Variants in TASP1 observed in about 807,000 individuals in gnomAD.
The protein encoded by TASP1 is taspase 1.
TASP1 carries 16 observed loss-of-function variants against 56.6 expected under a neutral mutation model. The observed-to-expected ratio is 0.28, with a 90% CI of 0.19 to 0.43. The LOEUF (loss-of-function observed/expected upper bound fraction) is 0.43. TASP1 is among the 20% of genes least tolerant of loss of function. TASP1 has a pLI of 1.00. For synonymous variants in TASP1, 179 were observed against 184.2 expected, an observed-to-expected ratio of 0.97 and a Z score of 0.23; for missense variants, 393 against 511.6, an observed-to-expected ratio of 0.77 and a Z score of 2.24.
chr20:13,299,554 C>T, the TASP1 span: 5 of 1,141,750 alleles, frequency 4.4e-6, no homozygotes, highest in Non-Finnish European at 6.2e-6. This position sits in a 1 kb window ranked among gnomAD's most constrained non-coding sequence, Gnocchi z 5.8. Flanking sequence ...TTCATAGCTG[C>T]GGTCGTGTAT....
intron 8 of TASP1, among the ~76,000 whole-genome samples, chr20:13,536,310 C>T (rs2045414937): frequency 6.6e-6 from 1 of 152,188 alleles, no homozygotes. Context: ...CTGAAGCAAA[C>T]TATTTATAGG....
the TASP1 span, among the ~76,000 whole-genome samples, chr20:13,157,003 G>A: frequency 6.6e-6 from 1 of 152,156 alleles, no homozygotes; most frequent in Non-Finnish European, 1.5e-5. Context: ...TTCAACTTAA[G>A]ATTGTTTTTT....
the TASP1 span, among the ~76,000 whole-genome samples, chr20:13,370,520 CTG>C: frequency 6.6e-6 from 1 of 151,642 alleles, no homozygotes; most frequent in Non-Finnish European, 1.5e-5. Context: ...ACTAAGGAAA[CTG>C]AAAATTTTTT....
chr20:13,418,966 T>G (rs987919411), intron 12 of TASP1, among the ~76,000 whole-genome samples: 1 of 152,188 alleles, frequency 6.6e-6, no homozygotes, highest in Non-Finnish European at 1.5e-5. Context: ...GTTTAAAGAA[T>G]ACATGACAAC....
chr20:13,213,182 G>C, the TASP1 span, among the ~76,000 whole-genome samples: 1 of 137,392 alleles, frequency 7.3e-6, no homozygotes. Context: ...CTACTCTTTA[G>C]TTATTAAAAA....
At chr20:13,117,435 T>C in the TASP1 span, 4 of 1,399,230 alleles carry the variant, frequency 2.9e-6, no homozygotes, top group Non-Finnish European at 3.9e-6. Flanking sequence ...CTAGGATGTA[T>C]TGATGGGGAA....
At chr20:13,252,810 G>A in the TASP1 span, among the ~76,000 whole-genome samples, 3 of 151,796 alleles carry the variant, frequency 2.0e-5, no homozygotes, top group East Asian at 5.8e-4. Context: ...TTGGCCTTTG[G>A]GGCAACTGAA....
At chr20:13,317,874 T>C in the TASP1 span, among the ~76,000 whole-genome samples, 1 of 152,096 alleles carries the variant, frequency 6.6e-6, no homozygotes, top group South Asian at 2.1e-4. Context: ...CTAGATGACC[T>C]TGTGTTAGGC....
chr20:13,135,170 A>G, the TASP1 span, among the ~76,000 whole-genome samples: 4 of 152,248 alleles, frequency 2.6e-5, no homozygotes. Context: ...TAGCATTTAT[A>G]ATAATTATTT....
intron 10 of TASP1, among the ~76,000 whole-genome samples, chr20:13,516,113 T>G (rs2044521796): frequency 1.3e-5 from 2 of 152,284 alleles, no homozygotes; most frequent in South Asian, 4.1e-4. Flanking sequence ...CAAGTAAATT[T>G]CCTGAGCTGA....
intron 11 of TASP1, among the ~76,000 whole-genome samples, chr20:13,457,722 C>T (rs1320432100): frequency 1.3e-5 from 2 of 152,022 alleles, no homozygotes; most frequent in Non-Finnish European, 2.9e-5. Context: ...GGGAACTCTA[C>T]CTACAGAAGA....
intron 10 of TASP1, among the ~76,000 whole-genome samples, chr20:13,497,107 C>T (rs1270469208): frequency 6.6e-6 from 1 of 152,168 alleles, no homozygotes; most frequent in African/African-American, 2.4e-5. Flanking sequence ...TACAGGTCTT[C>T]ACTAATAGCT....
At chr20:13,143,557 T>C in the TASP1 span, among the ~76,000 whole-genome samples, 1 of 152,200 alleles carries the variant, frequency 6.6e-6, no homozygotes. Context: ...ATTGGCTTCA[T>C]ACTGTTTGAG....
chr20:13,104,988 C>T, the TASP1 span, among the ~76,000 whole-genome samples: 838 of 152,080 alleles, frequency 5.5e-3, 2 homozygotes, highest in Non-Finnish European at 9.7e-3. Context: ...GTGTAAGTGC[C>T]TTAATAAGCA....
At position 13,549,500 on chromosome 20, in the gene TASP1, T is replaced by A. The variant is rs145393465; in HGVS notation, c.675+9508A>T. On this transcript the variant is annotated intron_variant, in intron 8 of 13. Coordinates refer to ENST00000337743, the MANE Select transcript of TASP1 (RefSeq NM_017714.3). ...AATGCACTCATTTATTCTGCTGTCTTATTAGCTATACATGTGTCAGCATCA... is the reference window on the plus strand; with the variant it reads ...AATGCACTCATTTATTCTGCTGTCTAATTAGCTATACATGTGTCAGCATCA... Among the ~76,000 whole-genome samples, 173 of 152,170 alleles carry A rather than the reference T, an allele frequency of 1.1e-3. 2 individuals are homozygous for A. Among genetic ancestry groups the A allele is most frequent in the African/African-American group, 4.0e-3 (168 of 41,526 alleles).
At chr20:13,380,889 G>A in the TASP1 span, among the ~76,000 whole-genome samples, 2 of 152,126 alleles carry the variant, frequency 1.3e-5, no homozygotes, top group East Asian at 3.9e-4. Flanking sequence ...GGGGAAAACC[G>A]CCTACTCAAG....
At chr20:13,512,583 T>G (rs545968590) in intron 10 of TASP1, among the ~76,000 whole-genome samples, 26 of 152,352 alleles carry the variant, frequency 1.7e-4, no homozygotes, top group African/African-American at 6.3e-4. Context: ...GTTTTTTTGC[T>G]GTGCAGAAGC....
chr20:13,394,569 G>A (rs1387008296), intron 13 of TASP1, among the ~76,000 whole-genome samples: 25 of 151,718 alleles, frequency 1.6e-4, no homozygotes, highest in Non-Finnish European at 3.1e-4. Context: ...CCAAGATCGC[G>A]CCACTGCATT....
At chr20:13,209,100 C>T in the TASP1 span, among the ~76,000 whole-genome samples, 1 of 152,130 alleles carries the variant, frequency 6.6e-6, no homozygotes, top group Admixed American at 6.5e-5. Context: ...TGTCCACTGT[C>T]TATGAAGCCC....
Sources: gnomAD v4.1 joint callset for allele counts (sites outside exome capture counted in the v4.1 genomes callset) on GRCh38, gnomAD v4.1.1 for gene constraint, Gnocchi (gnomAD v3.1) non-coding constraint, MANE v1.5 for transcripts, NCBI Gene and HGNC (gene_info 2026-07-23, HGNC 2026-07-21) for gene names.